The following PTPRD variants were observed in gnomAD, a reference collection of about 807,000 sequenced individuals.
The protein encoded by PTPRD is protein tyrosine phosphatase receptor type D, also known as receptor-type tyrosine-protein phosphatase delta.
A neutral mutation model predicts 214.5 loss-of-function variants in PTPRD; 34 were observed. The ratio of observed to expected loss-of-function variants is 0.16; its 90% confidence interval spans 0.12 to 0.21. The LOEUF (loss-of-function observed/expected upper bound fraction) is 0.21, where lower values mean the gene tolerates loss of function less well. Among genes scored for constraint, PTPRD ranks in the 10% least tolerant of loss-of-function variants. The pLI is 1.00. For synonymous variants in PTPRD, 1,128 were observed against 845.7 expected (o/e 1.33, Z -5.79); for missense variants, 2,545 against 2,398.7 (o/e 1.06, Z -1.27).
intron 14 of PTPRD, among the ~76,000 whole-genome samples, chr9:8,570,727 C>G (rs571222139): frequency 3.4e-4 from 51 of 152,050 alleles, no homozygotes; most frequent in Non-Finnish European, 5.9e-5. Context: ...CTTAAAATAT[C>G]TGTCTCTGAC....
intron 3 of PTPRD, among the ~76,000 whole-genome samples, chr9:10,221,773 G>C (rs1480236779): frequency 6.6e-6 from 1 of 151,468 alleles, no homozygotes; most frequent in East Asian, 1.9e-4. Flanking sequence ...TAGTGTTCAT[G>C]GCTAAAAAAC....
intron 3 of PTPRD, among the ~76,000 whole-genome samples, chr9:10,220,780 C>T (rs1446204905): frequency 6.6e-6 from 1 of 151,694 alleles, no homozygotes; most frequent in South Asian, 2.1e-4. Flanking sequence ...TATGCACATG[C>T]TATTATCTGA....
Position 8,932,772 on chromosome 9 carries a change from A to G in PTPRD, c.-104+85925T>C, listed in dbSNP as rs180934336. Among the ~76,000 whole-genome samples, 297 of 152,284 alleles carry G rather than the reference A, an allele frequency of 2.0e-3. 1 individual carries two copies. Among genetic ancestry groups the G allele is most frequent in the African/African-American group, 6.4e-3 (265 of 41,564 alleles). The stretch of plus-strand genomic sequence containing the variant: ...ACTTCAGACTGCTGTGCTGGCAGAG[A>G]GAATTTCAAGCCAGTGGATCTTAGC... On this transcript the variant is annotated intron_variant, in intron 11 of 45. Coordinates refer to ENST00000381196, the MANE Select transcript of PTPRD (RefSeq NM_002839.4).
intron 14 of PTPRD, among the ~76,000 whole-genome samples, chr9:8,561,025 C>T (rs1238230000): frequency 1.3e-5 from 2 of 152,008 alleles, no homozygotes; most frequent in South Asian, 2.1e-4. Context: ...TAAACTCCAC[C>T]TCCAAACTGA....
At chr9:9,615,143 T>C (rs896468057) in intron 7 of PTPRD, among the ~76,000 whole-genome samples, 2 of 152,086 alleles carry the variant, frequency 1.3e-5, no homozygotes, top group Non-Finnish European at 2.9e-5. Context: ...GACCTGGCAA[T>C]ATTTCCACAG....
At chr9:9,543,031 T>A (rs912808433) in intron 8 of PTPRD, among the ~76,000 whole-genome samples, 2 of 151,694 alleles carry the variant, frequency 1.3e-5, no homozygotes, top group Non-Finnish European at 3.0e-5. Context: ...TGTGTGAGAA[T>A]AATCATACCA....
intron 12 of PTPRD, among the ~76,000 whole-genome samples, chr9:8,732,099 A>G (rs745343300): frequency 1.3e-5 from 2 of 152,234 alleles, no homozygotes; most frequent in African/African-American, 4.8e-5. Flanking sequence ...CGAGAGGAAG[A>G]TGGAGGAGAA....
intron 11 of PTPRD, among the ~76,000 whole-genome samples, chr9:8,928,475 C>CT: frequency 6.6e-6 from 1 of 152,128 alleles, no homozygotes; most frequent in Middle Eastern, 3.4e-3. Flanking sequence ...TTCCCCATTG[C>CT]TTTTTTTGGT....
chr9:8,387,130 A>G (rs372505463), intron 37 of PTPRD, among the ~76,000 whole-genome samples: 38 of 152,330 alleles, frequency 2.5e-4, no homozygotes, highest in African/African-American at 8.7e-4. Context: ...TGGCTTCCTT[A>G]GGCCATTTAA....
intron 7 of PTPRD, among the ~76,000 whole-genome samples, chr9:9,609,467 CGTT>C (rs2094393293): frequency 6.6e-6 from 1 of 152,030 alleles, no homozygotes; most frequent in Non-Finnish European, 1.5e-5. Context: ...TTTTTGTTGT[CGTT>C]GTTTGTTTTT....
chr9:8,435,437 C>T (rs1004101794), intron 35 of PTPRD, among the ~76,000 whole-genome samples: 3 of 152,096 alleles, frequency 2.0e-5, no homozygotes, highest in Admixed American at 6.5e-5. Context: ...GATGTGTTAA[C>T]GACTCCCAGT....
chr9:9,815,513 T>G (rs1222074750), intron 5 of PTPRD, among the ~76,000 whole-genome samples: 2 of 152,010 alleles, frequency 1.3e-5, no homozygotes, highest in African/African-American at 2.4e-5. Flanking sequence ...AATAAACCAG[T>G]GGTCTATATC....
At chr9:8,735,195 G>C (rs1011568031) in intron 11 of PTPRD, among the ~76,000 whole-genome samples, 6 of 144,252 alleles carry the variant, frequency 4.2e-5, no homozygotes, top group Non-Finnish European at 9.0e-5. Context: ...CCAGGCTGTA[G>C]TGCAGTGGTA....
At chr9:9,840,995 A>G (rs2153635908) in intron 5 of PTPRD, among the ~76,000 whole-genome samples, 1 of 152,206 alleles carries the variant, frequency 6.6e-6, no homozygotes, top group East Asian at 1.9e-4. Context: ...AGCTAGATCC[A>G]AACACCATGC....
In PTPRD at chr9:8,376,020, T is replaced by G. The variant is rs1198616512; in HGVS notation, c.4577A>C (p.Glu1526Ala). 6.2e-7 allele frequency: 1 copy of G among 1,613,018 alleles called. No individual in the cohort carries two copies. The highest frequency in any genetic ancestry group is 8.5e-7 in the Non-Finnish European group (1 of 1,179,326). The change falls in exon 39 of 46, where the codon GAA (glutamate) becomes GCA (alanine). Residue 1526 changes from glutamate to alanine, a missense_variant. By Grantham distance (107) the Glu-to-Ala change is moderately radical. Coordinates refer to ENST00000381196, the MANE Select transcript of PTPRD (RefSeq NM_002839.4). ...GAAAGCTAGAAAAGGTGTAGGGTGT[T>G]CTGGAACACCATGATCAGGCCAGGC... is the stretch of plus-strand genomic sequence containing the variant. ...FTAWPDHGVPEHPTPFLAFLR... is the reference protein window; with the variant it reads ...FTAWPDHGVPAHPTPFLAFLR...
intron 5 of PTPRD, among the ~76,000 whole-genome samples, chr9:9,909,968 C>T (rs1389741087): frequency 3.3e-5 from 5 of 151,864 alleles, no homozygotes; most frequent in African/African-American, 1.2e-4. Flanking sequence ...CAAAATCATC[C>T]TATCAGTTAG....
intron 4 of PTPRD, among the ~76,000 whole-genome samples, chr9:9,975,149 T>A (rs2095306952): frequency 6.6e-6 from 1 of 152,160 alleles, no homozygotes; most frequent in African/African-American, 2.4e-5. Flanking sequence ...CACATTATTA[T>A]GTTGACAGCT....
chr9:8,658,262 G>A (rs1036319695), intron 12 of PTPRD, among the ~76,000 whole-genome samples: 2 of 152,136 alleles, frequency 1.3e-5, no homozygotes, highest in African/African-American at 4.8e-5. Flanking sequence ...TATTATGGAA[G>A]TTTATATGTA....
At chr9:9,897,445 G>A (rs1211903748) in intron 5 of PTPRD, among the ~76,000 whole-genome samples, 1 of 151,902 alleles carries the variant, frequency 6.6e-6, no homozygotes, top group Non-Finnish European at 1.5e-5. Context: ...GAACTCTACA[G>A]TAAATCTTTA....
Sources: allele counts gnomAD v4.1 joint callset (sites outside exome capture counted in the v4.1 genomes callset), GRCh38; gene constraint gnomAD v4.1.1; transcripts MANE v1.5; gene names NCBI Gene and HGNC (gene_info 2026-07-23, HGNC 2026-07-21).